The following PPP2R5A variants were observed in gnomAD, a reference collection of about 807,000 sequenced individuals.
PPP2R5A encodes the protein serine/threonine-protein phosphatase 2A 56 kDa regulatory subunit alpha isoform.
In PPP2R5A, 25 loss-of-function variants were observed where a neutral mutation model predicts 64.2. The ratio of observed to expected loss-of-function variants is 0.39; its 90% confidence interval spans 0.28 to 0.54. PPP2R5A has a LOEUF of 0.54. Among genes scored for constraint, PPP2R5A ranks in the 20% least tolerant of loss-of-function variants. The probability of loss-of-function intolerance (pLI) is 0.67; values close to 1 mark genes in which losing one functional copy is unlikely to be tolerated. For missense variants in PPP2R5A, 425 were observed against 576.3 expected (o/e 0.74, Z 2.69); for synonymous variants, 198 against 201.2 (o/e 0.98, Z 0.13).
intron 1 of PPP2R5A, among the ~76,000 whole-genome samples, chr1:212,303,308 C>T (rs914151083): frequency 3.3e-5 from 5 of 152,102 alleles, no homozygotes; most frequent in Non-Finnish European, 5.9e-5. Context: ...AGTATCTCTT[C>T]GTGGTTATGA....
intron 3 of PPP2R5A, among the ~76,000 whole-genome samples, chr1:212,338,045 A>G (rs1214324998): frequency 1.3e-5 from 2 of 152,218 alleles, no homozygotes; most frequent in Non-Finnish European, 2.9e-5. Context: ...GTAGGTCTTT[A>G]AAGTTTGCTT....
At chr1:212,357,901 ATCC>A (rs1182183211) in intron 11 of PPP2R5A, 1 of 152,128 alleles carries the variant, frequency 6.6e-6, no homozygotes, top group African/African-American at 2.4e-5. Flanking sequence ...GGTTCACGCA[ATCC>A]TCCTGCCTCA....
chr1:212,286,379 T>C, intron 1 of PPP2R5A, 88 bp downstream of exon 1: 1 of 1,354,858 alleles, frequency 7.4e-7, no homozygotes, highest in Non-Finnish European at 9.6e-7. Context: ...CTGCTGGGTT[T>C]CTCCTGCTCA....
chr1:212,338,004 G>C (rs930123826), intron 3 of PPP2R5A, among the ~76,000 whole-genome samples: 1 of 152,134 alleles, frequency 6.6e-6, no homozygotes, highest in Non-Finnish European at 1.5e-5. Context: ...TTGGTCACCT[G>C]TATTACTTGA....
chr1:212,295,946 T>G (rs968547278), intron 1 of PPP2R5A, among the ~76,000 whole-genome samples: 3 of 152,036 alleles, frequency 2.0e-5, no homozygotes, highest in Non-Finnish European at 2.9e-5. Flanking sequence ...CTATAGCTAC[T>G]GGGTAGAGAA....
intron 1 of PPP2R5A, among the ~76,000 whole-genome samples, chr1:212,295,975 G>T (rs1658684655): frequency 6.6e-6 from 1 of 152,268 alleles, no homozygotes; most frequent in East Asian, 1.9e-4. Context: ...AGCAGAAGAA[G>T]ATTTTTAGGA....
chr1:212,305,237 C>T (rs1480679496), intron 1 of PPP2R5A, among the ~76,000 whole-genome samples: 2 of 151,832 alleles, frequency 1.3e-5, no homozygotes, highest in East Asian at 1.9e-4. Flanking sequence ...GGGGTTTCAC[C>T]GTGTTAGCCA....
chr1:212,335,488 A>AAT (rs1553275962), intron 3 of PPP2R5A, among the ~76,000 whole-genome samples: 4 of 151,810 alleles, frequency 2.6e-5, no homozygotes, highest in Non-Finnish European at 5.9e-5. Context: ...AAAAAAAAAA[A>AAT]GAAAAAAGAT....
chr1:212,353,195 G>A (rs147130070), intron 8 of PPP2R5A, among the ~76,000 whole-genome samples: 48 of 152,326 alleles, frequency 3.2e-4, no homozygotes, highest in African/African-American at 1.2e-3. Flanking sequence ...CTGGCTGGCT[G>A]TTGGCCAGAG....
chr1:212,321,174 G>A (rs527379604), intron 1 of PPP2R5A, among the ~76,000 whole-genome samples: 2 of 145,474 alleles, frequency 1.4e-5, no homozygotes, highest in East Asian at 2.1e-4. Context: ...TGGATGGGGC[G>A]GCTGGCCAGG....
chr1:212,295,216 CAA>C (rs1243432248), intron 1 of PPP2R5A, among the ~76,000 whole-genome samples: 8 of 152,026 alleles, frequency 5.3e-5, no homozygotes, highest in African/African-American at 1.9e-4. Context: ...GTAATCCAGA[CAA>C]GAGATAAAGG....
rs182683116 is a variant in PPP2R5A at position 212,333,570 on chromosome 1, C to A, written c.452C>A (p.Thr151Lys). 2 of 1,583,034 alleles carry A rather than the reference C, an allele frequency of 1.3e-6. No homozygotes were observed. The highest frequency in any genetic ancestry group is 1.7e-6 in the Non-Finnish European group (2 of 1,158,662). ...PDFDPEEDEP[T>K]LEASWPHIQL... ...TTTGATCCAGAAGAGGATGAACCCA[C>A]GCTTGAGGCCTCTTGGCCTCACATA... Residue 151 changes from threonine (T) to lysine (K), a missense_variant, in exon 3 of 13, where the codon ACG (threonine) becomes AAG (lysine). Thr to Lys is a moderately conservative substitution (Grantham distance 78). Transcript: ENST00000261461.
chr1:212,286,007 G>A lies in PPP2R5A; in HGVS notation c.-104G>A. ...GAGGGCCGTGGGGCCGGGGCGCAGG[G>A]GCGCGAGCACCCCGCGCCTCTCCCC... On this transcript the variant is annotated 5_prime_UTR_variant, in exon 1 of 13. Coordinates refer to ENST00000261461, the MANE Select transcript of PPP2R5A (RefSeq NM_006243.4). The A allele has an allele frequency of 8.0e-7, 1 of 1,245,086 alleles. No individual in the cohort carries two copies. The highest frequency in any genetic ancestry group is 1.0e-6 in the Non-Finnish European group (1 of 963,752). 77.1% of individuals were successfully genotyped at this position (1,245,086 alleles called of 1,614,324 possible). A position where few individuals can be genotyped will look rare whatever the true frequency, so the allele number is the denominator to read the frequency against.
intron 3 of PPP2R5A, 121 bp downstream of exon 3, chr1:212,333,719 CATT>C (rs1398588135): frequency 2.1e-5 from 11 of 519,614 alleles, no homozygotes; most frequent in South Asian, 4.9e-5. Context: ...GTTTTATTAA[CATT>C]ATCTTCTTTC....
chr1:212,332,668 C>A (rs900640977), intron 2 of PPP2R5A, among the ~76,000 whole-genome samples: 1 of 151,952 alleles, frequency 6.6e-6, no homozygotes, highest in African/African-American at 2.4e-5. Context: ...GGCATTCTAC[C>A]CTCACTCACC....
chr1:212,295,437 G>T (rs1383028555), intron 1 of PPP2R5A, among the ~76,000 whole-genome samples: 1 of 152,222 alleles, frequency 6.6e-6, no homozygotes, highest in Non-Finnish European at 1.5e-5. Flanking sequence ...AAGCTGCCTA[G>T]TAGGAAGGCG....
In PPP2R5A at chr1:212,286,015, C is replaced by CTCT; in HGVS notation, c.-96_-95insTCT. ...TGGGGCCGGGGCGCAGGGGCGCGAG[C>CTCT]ACCCCGCGCCTCTCCCCCGCCTCCT... On this transcript the variant is annotated 5_prime_UTR_variant, in exon 1 of 13. Coordinates refer to ENST00000261461, the MANE Select transcript of PPP2R5A (RefSeq NM_006243.4). 8.0e-7 allele frequency: 1 copy of CTCT among 1,256,186 alleles called. No homozygotes were observed. The highest frequency in any genetic ancestry group is 1.8e-5 in the South Asian group (1 of 54,302). The allele number at this position is 1,256,186 out of a possible 1,614,324, so 77.8% of individuals were successfully genotyped here.
chr1:212,332,901 A>AT (rs1315422938), intron 2 of PPP2R5A, among the ~76,000 whole-genome samples: 18 of 147,212 alleles, frequency 1.2e-4, no homozygotes, highest in African/African-American at 4.0e-4. Flanking sequence ...TTATTTTTTT[A>AT]TTTTTATTTT....
intron 1 of PPP2R5A, among the ~76,000 whole-genome samples, chr1:212,289,428 G>C (rs1365094802): frequency 6.6e-6 from 1 of 152,112 alleles, no homozygotes; most frequent in Non-Finnish European, 1.5e-5. Flanking sequence ...GAAAGTTGAG[G>C]CCTAAAAAGA....
Sources: allele counts gnomAD v4.1 joint callset (sites outside exome capture counted in the v4.1 genomes callset), GRCh38; gene constraint gnomAD v4.1.1; transcripts MANE v1.5; gene names NCBI Gene and HGNC (gene_info 2026-07-23, HGNC 2026-07-21).